Variants in CYB5R3 observed in about 807,000 individuals in gnomAD.
CYB5R3 encodes the protein cytochrome b5 reductase 3, also known as NADH-cytochrome b5 reductase 3.
CYB5R3 carries 28 observed loss-of-function variants against 36.5 expected under a neutral mutation model. The observed-to-expected ratio is 0.77, with a 90% CI of 0.57 to 1.05. The LOEUF (loss-of-function observed/expected upper bound fraction) is 1.05. Ranked by LOEUF, CYB5R3 falls within the 50% of genes least tolerant of loss-of-function variation. The pLI, the probability that CYB5R3 is intolerant of heterozygous loss-of-function variation, is 0.00. For synonymous variants in CYB5R3, 181 were observed against 159.8 expected (o/e 1.13, Z -1.00); for missense variants, 474 against 408.9 (o/e 1.16, Z -1.37).
chr22:42,648,236 G>A (rs1929617066), intron 1 of CYB5R3, among the ~76,000 whole-genome samples: 1 of 152,010 alleles, frequency 6.6e-6, no homozygotes, highest in Non-Finnish European at 1.5e-5. Context: ...CCTCCCCAAG[G>A]AGGGAGGACC....
rs138942558 is a variant in CYB5R3 at position 42,638,066 on chromosome 22, G to A, written c.22-1220C>T. 3.8e-3 allele frequency among the ~76,000 whole-genome samples: 576 copies of A among 151,386 alleles called. 4 individuals are homozygous for A. Among genetic ancestry groups the A allele is most frequent in the African/African-American group, 0.014 (559 of 41,238 alleles). On this transcript the variant is annotated intron_variant, in intron 1 of 8. Transcript: ENST00000352397. ...GAGTTCAAGACCAGCCTGGGCAACA[G>A]GGTGAAACTCCATCTCTACAAAAAA...
At chr22:42,631,059 A>T in intron 3 of CYB5R3, 71 bp from the exon 4 acceptor site, 1 of 1,310,986 alleles carries the variant, frequency 7.6e-7, no homozygotes. Flanking sequence ...TTGTCAACCC[A>T]CTCCCCTGCA....
rs139478794 is a variant in CYB5R3 at position 42,635,422 on chromosome 22, T to C, written c.153+1293A>G. ...CCTGGCCTAATTTTCGTATTGTTAG[T>C]AGAGATGGGGTTTCACCATGTCGGC... On this transcript the variant is annotated intron_variant, in intron 2 of 8. Coordinates refer to ENST00000352397, the MANE Select transcript of CYB5R3 (RefSeq NM_000398.7). Among the ~76,000 whole-genome samples the C allele has an allele frequency of 5.3e-4, 81 of 152,136 alleles. 1 individual carries two copies. The highest frequency in any genetic ancestry group is 1.6e-3 in the African/African-American group (68 of 41,502).
In CYB5R3 at chr22:42,640,084, C is replaced by G. The variant is rs776768242; in HGVS notation, c.22-3238G>C. 1.0e-4 allele frequency: 165 copies of G among 1,613,896 alleles called. 2 individuals are homozygous for G. In the South Asian group the frequency reaches 1.8e-3, roughly 17 times the overall value. On this transcript the variant is annotated intron_variant, in intron 1 of 8. Coordinates refer to ENST00000352397, the MANE Select transcript of CYB5R3 (RefSeq NM_000398.7). ...TTCCTTAACTGTGAGCTGTTTGAAGCTACCAGTCTGAGCACTACTGACTAT... is the reference window on the plus strand; with the variant it reads ...TTCCTTAACTGTGAGCTGTTTGAAGGTACCAGTCTGAGCACTACTGACTAT...
At chr22:42,648,854 C>A (rs960684158) in intron 1 of CYB5R3, among the ~76,000 whole-genome samples, 1 of 115,006 alleles carries the variant, frequency 8.7e-6, no homozygotes. Context: ...ACACACACAC[C>A]CCATCACACG....
chr22:42,634,427 G>A (rs1292418127), intron 2 of CYB5R3, among the ~76,000 whole-genome samples: 1 of 151,944 alleles, frequency 6.6e-6, no homozygotes, highest in Non-Finnish European at 1.5e-5. Flanking sequence ...GGGAGGTGGT[G>A]ATTTACTTTT....
At chr22:42,625,353 A>C (rs1412990216) in intron 7 of CYB5R3, among the ~76,000 whole-genome samples, 22 of 152,070 alleles carry the variant, frequency 1.4e-4, no homozygotes, top group Admixed American at 1.4e-3. Flanking sequence ...CTAAAAATAT[A>C]AAGAATTAGC....
chr22:42,624,501 A>G (rs1928163434), intron 7 of CYB5R3, among the ~76,000 whole-genome samples: 1 of 110,680 alleles, frequency 9.0e-6, no homozygotes, highest in African/African-American at 3.6e-5. Flanking sequence ...ACAGAGCCCT[A>G]CAGAACTCAG....
intron 1 of CYB5R3, chr22:42,644,421 C>T: frequency 2.7e-6 from 2 of 728,782 alleles, no homozygotes; most frequent in East Asian, 2.7e-5. Flanking sequence ...AACATCAAGC[C>T]CATCTTGCTT....
At position 42,627,836 on chromosome 22, in the gene CYB5R3, G is replaced by A. The variant is rs370472340; in HGVS notation, c.464-148C>T. ...TTCTAACGCGAGCCATGAGGAAGGTGCAGGAGCAGTGGAGAGGCTGGGAAC... is the reference window on the plus strand; with the variant it reads ...TTCTAACGCGAGCCATGAGGAAGGTACAGGAGCAGTGGAGAGGCTGGGAAC... On this transcript the variant is annotated intron_variant, in intron 5 of 8. Coordinates refer to ENST00000352397, the MANE Select transcript of CYB5R3 (RefSeq NM_000398.7). The A allele has an allele frequency of 1.8e-4, 134 of 743,522 alleles. 1 individual carries two copies. In the East Asian group the frequency reaches 2.5e-3, roughly 14 times the overall value. 46.1% of individuals were successfully genotyped at this position (743,522 alleles called of 1,614,324 possible). A position where few individuals can be genotyped will look rare whatever the true frequency, so the allele number is the denominator to read the frequency against.
intron 2 of CYB5R3, among the ~76,000 whole-genome samples, chr22:42,635,842 T>G (rs2146892160): frequency 6.6e-6 from 1 of 152,222 alleles, no homozygotes; most frequent in African/African-American, 2.4e-5. Flanking sequence ...AGAGGGCAAG[T>G]GACCGATGGA....
chr22:42,623,288 C>T (rs908385452), intron 8 of CYB5R3, among the ~76,000 whole-genome samples: 1 of 152,238 alleles, frequency 6.6e-6, no homozygotes, highest in Non-Finnish European at 1.5e-5. Flanking sequence ...TTGGCTCTCC[C>T]ACAACTCCCT....
Position 42,618,666 on chromosome 22 carries a change from T to C in CYB5R3, c.*1107A>G, listed in dbSNP as rs1236072772. On this transcript the variant is annotated 3_prime_UTR_variant, in exon 9 of 9. Coordinates refer to ENST00000352397, the MANE Select transcript of CYB5R3 (RefSeq NM_000398.7). ...AGGTGGAGGTTGTAGTGAGCTGAGA[T>C]CATGCCACTCCAGCCTGGGTGACAA... 1 of 135,220 alleles carries C rather than the reference T, an allele frequency of 7.4e-6. No homozygotes were observed. The highest frequency in any genetic ancestry group is 2.9e-5 in the African/African-American group (1 of 34,420). 8.4% of individuals were successfully genotyped at this position (135,220 alleles called of 1,614,324 possible). A position where few individuals can be genotyped will look rare whatever the true frequency, so the allele number is the denominator to read the frequency against.
intron 1 of CYB5R3, 28 bp downstream of exon 1, chr22:42,649,267 G>A: frequency 2.6e-6 from 2 of 778,422 alleles, no homozygotes; most frequent in Admixed American, 5.8e-5. Flanking sequence ...GCGACGCCCC[G>A]CGGCCCCGGC....
At chr22:42,644,261 G>T in intron 1 of CYB5R3, 1 of 638,716 alleles carries the variant, frequency 1.6e-6, no homozygotes, top group Admixed American at 2.3e-5. Context: ...CCACAGTGAG[G>T]CCTGAGCACC....
At chr22:42,649,242 G>A in intron 1 of CYB5R3, 53 bp downstream of exon 1, 1 of 518,142 alleles carries the variant, frequency 1.9e-6, no homozygotes, top group Non-Finnish European at 2.6e-6. Context: ...CCTCGCCGCC[G>A]GGTCCCAGTC....
Position 42,619,948 on chromosome 22 carries a change from G to A in CYB5R3, c.734-3C>T. The stretch of plus-strand genomic sequence containing the variant: ...GAAGCCCTGGCCGTAGTCCCAGGCT[G>A]TGGGGTGAGAGACCAGGTAAGCTGA... On this transcript the variant is annotated splice_region_variant and splice_polypyrimidine_tract_variant and intron_variant, in intron 8 of 8. Transcript: ENST00000352397. The A allele has an allele frequency of 1.3e-6, 2 of 1,594,270 alleles. No individual in the cohort carries two copies. Among genetic ancestry groups the A allele is most frequent in the Non-Finnish European group, 1.7e-6 (2 of 1,169,920 alleles).
At chr22:42,630,732 T>C in intron 4 of CYB5R3, 150 bp downstream of exon 4, 1 of 707,546 alleles carries the variant, frequency 1.4e-6, no homozygotes, top group South Asian at 1.6e-5. Context: ...CCACTGCCCC[T>C]GCAAGCCCCT....
At chr22:42,627,051 C>T (rs1370664794) in intron 7 of CYB5R3, among the ~76,000 whole-genome samples, 1 of 152,208 alleles carries the variant, frequency 6.6e-6, no homozygotes, top group African/African-American at 2.4e-5. Flanking sequence ...TTGGAGGAAG[C>T]AGCCAGGGGA....
Sources: gnomAD v4.1 joint callset for allele counts (sites outside exome capture counted in the v4.1 genomes callset) on GRCh38, gnomAD v4.1.1 for gene constraint, MANE v1.5 for transcripts, NCBI Gene and HGNC (gene_info 2026-07-23, HGNC 2026-07-21) for gene names.